CSGALNACT1: variants seen among roughly 807,000 people sequenced by gnomAD.
CSGALNACT1 encodes beta4GalNAcT-1.
In CSGALNACT1, 52 loss-of-function variants were observed where a neutral mutation model predicts 51.0. The observed-to-expected ratio is 1.02, with a 90% CI of 0.82 to 1.29. The LOEUF (loss-of-function observed/expected upper bound fraction) is 1.29, where lower values mean the gene tolerates loss of function less well. Ranked by LOEUF, CSGALNACT1 falls within the 50% of genes most tolerant of loss-of-function variation. The pLI is 0.00. For missense variants in CSGALNACT1, 935 were observed against 679.2 expected, an observed-to-expected ratio of 1.38 and a Z score of -4.19; for synonymous variants, 341 against 254.4, an observed-to-expected ratio of 1.34 and a Z score of -3.24.
intron 1 of CSGALNACT1, among the ~76,000 whole-genome samples, chr8:19,728,193 T>C (rs1245023252): frequency 6.6e-6 from 1 of 152,122 alleles, no homozygotes; most frequent in Non-Finnish European, 1.5e-5. Context: ...GTTATGAGGA[T>C]TAAGAAAATT....
chr8:19,485,374 T>G (rs910171731), intron 4 of CSGALNACT1, among the ~76,000 whole-genome samples: 11 of 151,918 alleles, frequency 7.2e-5, no homozygotes, highest in African/African-American at 2.7e-4. Context: ...TCTAACCCCC[T>G]CCACTGTGAG....
intron 1 of CSGALNACT1, among the ~76,000 whole-genome samples, chr8:19,710,301 C>T (rs2062425387): frequency 6.6e-6 from 1 of 152,126 alleles, no homozygotes; most frequent in Non-Finnish European, 1.5e-5. Context: ...AACTAATTAC[C>T]AGCTGAGAGT....
At chr8:19,551,539 C>T (rs1358401477) in intron 3 of CSGALNACT1, among the ~76,000 whole-genome samples, 1 of 152,194 alleles carries the variant, frequency 6.6e-6, no homozygotes, top group Non-Finnish European at 1.5e-5. Flanking sequence ...ACTTCTCTCC[C>T]TGGAAGAACC....
chr8:19,571,684 T>C (rs1385102568), intron 3 of CSGALNACT1, among the ~76,000 whole-genome samples: 2 of 152,158 alleles, frequency 1.3e-5, no homozygotes, highest in Non-Finnish European at 2.9e-5. Flanking sequence ...AGAAAGGCAT[T>C]AGTTTCAGCT....
rs545787592 is a variant in CSGALNACT1, at chr8:19,536,310, T to A, written c.-296-30180A>T. ...ATGGAAAATCTTTGTACCTTCTTCATTTTGCTCTGAACTTCAAAATTTTGT... is the reference window on the plus strand; with the variant it reads ...ATGGAAAATCTTTGTACCTTCTTCAATTTGCTCTGAACTTCAAAATTTTGT... On this transcript the variant is annotated intron_variant, in intron 3 of 9. Transcript: ENST00000454498. 3.7e-4 allele frequency among the ~76,000 whole-genome samples: 56 copies of A among 149,982 alleles called. No homozygotes were observed. The South Asian group carries it at 0.012, about 32-fold the overall frequency.
At chr8:19,576,096 T>A (rs756432833) in intron 3 of CSGALNACT1, among the ~76,000 whole-genome samples, 1 of 152,146 alleles carries the variant, frequency 6.6e-6, no homozygotes, top group Non-Finnish European at 1.5e-5. Flanking sequence ...ATCCCTGTTC[T>A]CTGTGCAGGC....
intron 1 of CSGALNACT1, among the ~76,000 whole-genome samples, chr8:19,666,301 C>G (rs1425224730): frequency 6.6e-6 from 1 of 152,116 alleles, no homozygotes; most frequent in African/African-American, 2.4e-5. Flanking sequence ...GGAATAGAAG[C>G]CCAGACAAAA....
intron 3 of CSGALNACT1, among the ~76,000 whole-genome samples, chr8:19,540,251 GC>G (rs1260128986): frequency 4.6e-5 from 7 of 152,080 alleles, no homozygotes; most frequent in African/African-American, 1.7e-4. Flanking sequence ...AGTTAATTAT[GC>G]CCCTTCTGTC....
chr8:19,604,837 C>A (rs2051129539), upstream of CSGALNACT1, among the ~76,000 whole-genome samples: 1 of 150,576 alleles, frequency 6.6e-6, no homozygotes, highest in South Asian at 2.1e-4. Flanking sequence ...ATGGCATGAA[C>A]CCGGGAGGCG....
At chr8:19,467,350 G>A (rs965082287) in intron 4 of CSGALNACT1, among the ~76,000 whole-genome samples, 1 of 151,668 alleles carries the variant, frequency 6.6e-6, no homozygotes, top group Non-Finnish European at 1.5e-5. Flanking sequence ...CTCCATCTCC[G>A]GACCTCATGA....
At chr8:19,693,319 G>C (rs992399629) in intron 1 of CSGALNACT1, among the ~76,000 whole-genome samples, 1 of 151,898 alleles carries the variant, frequency 6.6e-6, no homozygotes, top group Admixed American at 6.6e-5. Flanking sequence ...AGGTGCTTCT[G>C]AACACCCCCA....
intron 1 of CSGALNACT1, among the ~76,000 whole-genome samples, chr8:19,751,282 C>T (rs977260499): frequency 6.6e-6 from 1 of 152,096 alleles, no homozygotes; most frequent in East Asian, 1.9e-4. Context: ...CCGTAAAACG[C>T]AGATGATAAG....
intron 4 of CSGALNACT1, among the ~76,000 whole-genome samples, chr8:19,492,854 A>G (rs953841462): frequency 1.3e-5 from 2 of 152,164 alleles, no homozygotes; most frequent in Non-Finnish European, 1.5e-5. Flanking sequence ...ATATGAACAG[A>G]TTTTTCATAG....
chr8:19,617,456 C>T (rs938628028), intron 1 of CSGALNACT1, among the ~76,000 whole-genome samples: 1 of 152,170 alleles, frequency 6.6e-6, no homozygotes, highest in Non-Finnish European at 1.5e-5. Flanking sequence ...CAATGTTTAA[C>T]CCGAATATAG....
chr8:19,467,742 T>C (rs1287836493), intron 4 of CSGALNACT1, among the ~76,000 whole-genome samples: 1 of 152,190 alleles, frequency 6.6e-6, no homozygotes, highest in Non-Finnish European at 1.5e-5. Flanking sequence ...CCCAGAATTT[T>C]GGGAGGCCAA....
intron 6 of CSGALNACT1, among the ~76,000 whole-genome samples, chr8:19,428,429 CCAT>C (rs1470563618): frequency 6.6e-6 from 1 of 152,130 alleles, no homozygotes. Flanking sequence ...CCTTGTAAAA[CCAT>C]CAGATCTCGT....
chr8:19,513,121 T>C (rs1482048834), intron 3 of CSGALNACT1, among the ~76,000 whole-genome samples: 2 of 152,062 alleles, frequency 1.3e-5, no homozygotes, highest in African/African-American at 4.8e-5. Flanking sequence ...GTTCCAAAAG[T>C]ATCTCAAATC....
At chr8:19,687,569 G>A (rs896023842), upstream of CSGALNACT1, among the ~76,000 whole-genome samples, 9 of 152,238 alleles carry the variant, frequency 5.9e-5, no homozygotes, top group East Asian at 1.9e-4. Flanking sequence ...ATGTTACTCC[G>A]TCCATGTTGT....
At chr8:19,503,536 A>G (rs1045948736) in intron 4 of CSGALNACT1, among the ~76,000 whole-genome samples, 4 of 152,212 alleles carry the variant, frequency 2.6e-5, no homozygotes, top group African/African-American at 7.2e-5. Flanking sequence ...GGGCAGCTCT[A>G]TGTAGCACAC....
Sources: allele counts gnomAD v4.1 joint callset (sites outside exome capture counted in the v4.1 genomes callset), GRCh38; gene constraint gnomAD v4.1.1; transcripts MANE v1.5; gene names NCBI Gene and HGNC (gene_info 2026-07-23, HGNC 2026-07-21).